Variants in MAP2 observed in about 807,000 individuals in gnomAD.
MAP2 encodes microtubule-associated protein 2.
MAP2 carries 14 observed loss-of-function variants against 137.6 expected under a neutral mutation model. That is an observed-to-expected ratio of 0.10 (90% CI 0.07 to 0.16). The LOEUF is 0.16. Among genes scored for constraint, MAP2 ranks in the 10% least tolerant of loss-of-function variants. MAP2 has a pLI of 1.00. For synonymous variants in MAP2, 786 were observed against 782.3 expected (o/e 1.00, Z -0.08); for missense variants, 2,088 against 2,191.5 (o/e 0.95, Z 0.94).
At chr2:209,674,764 T>A (rs184604966) in intron 5 of MAP2, among the ~76,000 whole-genome samples, 4 of 151,970 alleles carry the variant, frequency 2.6e-5, no homozygotes, top group African/African-American at 7.2e-5. Context: ...ATTTTTTGAC[T>A]GTCTTTCCTT....
intron 7 of MAP2, among the ~76,000 whole-genome samples, chr2:209,692,351 A>AC (rs397824831): frequency 5.3e-5 from 8 of 150,914 alleles, no homozygotes; most frequent in Non-Finnish European, 1.0e-4. Flanking sequence ...AAAAAAAAAA[A>AC]CAAAGAAAAA....
rs973515741 is a variant in MAP2, at chr2:209,693,692, A to G, written c.1522A>G (p.Thr508Ala). 6.2e-7 allele frequency: 1 copy of G among 1,613,592 alleles called. No individual in the cohort carries two copies. The highest frequency in any genetic ancestry group is 1.3e-5 in the African/African-American group (1 of 74,916). The change falls in exon 8 of 16, where the codon ACA becomes GCA. Residue 508 changes from threonine (T) to alanine (A), a missense_variant. Thr to Ala is a moderately conservative substitution (Grantham distance 58). Transcript: ENST00000682079. ...SFPVSLEQAV[T>A]DSAMTSKTLE... ...CCCTGTAAGTTTGGAGCAAGCAGTT[A>G]CAGATTCAGCCATGACCTCTAAAAC...
In MAP2 at chr2:209,695,202, C is replaced by T. The variant is rs763783190; in HGVS notation, c.3032C>T (p.Ser1011Phe). The change falls in exon 8 of 16, where the codon TCC becomes TTC. Residue 1011 changes from serine to phenylalanine, a missense_variant. Transcript: ENST00000682079. ...GATTTGTCAATACCAACAGATGCAT[C>T]CTCTGAGAAAGCAGAGAAGGGTCTT... is the stretch of plus-strand genomic sequence containing the variant. ...AKDLSIPTDA[S>F]SEKAEKGLSS... 2 of 1,613,952 alleles carry T rather than the reference C, an allele frequency of 1.2e-6. No homozygotes were observed. Among genetic ancestry groups the T allele is most frequent in the African/African-American group, 1.3e-5 (1 of 74,886 alleles).
chr2:209,604,849 C>T (rs559953462), intron 3 of MAP2, among the ~76,000 whole-genome samples: 12 of 152,166 alleles, frequency 7.9e-5, no homozygotes, highest in African/African-American at 2.6e-4. Context: ...GTTGGCAAAT[C>T]CCAAAACAGA....
At chr2:209,710,863 A>G (rs1018518175) in intron 13 of MAP2, 3 of 152,660 alleles carry the variant, frequency 2.0e-5, no homozygotes, top group Admixed American at 6.5e-5. Context: ...AAATAGAGCT[A>G]TTAGTAAAGC....
At chr2:209,575,349 G>A (rs1230270064) in intron 2 of MAP2, among the ~76,000 whole-genome samples, 5 of 151,698 alleles carry the variant, frequency 3.3e-5, no homozygotes, top group East Asian at 1.9e-4. Flanking sequence ...GTGAAACCCC[G>A]TCTCTACTAA....
chr2:209,563,081 C>A (rs1230112166), intron 2 of MAP2, among the ~76,000 whole-genome samples: 1 of 152,128 alleles, frequency 6.6e-6, no homozygotes. Context: ...GACCTTAACT[C>A]CTGCCAGGTC....
chr2:209,693,843 T>C lies in MAP2; in HGVS notation c.1673T>C (p.Leu558Pro). 1 of 1,613,584 alleles carries C rather than the reference T, an allele frequency of 6.2e-7. No individual in the cohort carries two copies. The highest frequency in any genetic ancestry group is 8.5e-7 in the Non-Finnish European group (1 of 1,179,868). The change falls in exon 8 of 16, where the codon CTT becomes CCT. Residue 558 changes from leucine to proline, a missense_variant. Around this residue, in one of 6 missense-constraint regions of MAP2, gnomAD observed 859 missense variants for 794.5 expected, o/e 1.08. Transcript: ENST00000682079. ...GTTGGAGCTGCAACATCAGCTGAGC[T>C]TGATATGCCATTTTATGAAGATAAA... ...EGVGAATSAE[L>P]DMPFYEDKSG... is the part of the protein sequence containing the mutation.
intron 1 of MAP2, among the ~76,000 whole-genome samples, chr2:209,502,792 T>C (rs1006831736): frequency 2.7e-4 from 41 of 152,154 alleles, no homozygotes; most frequent in Admixed American, 1.9e-3. Context: ...AGGTGTGAGA[T>C]AGCTATCTCA....
chr2:209,643,934 G>A (rs558833439), intron 4 of MAP2, among the ~76,000 whole-genome samples: 1 of 152,184 alleles, frequency 6.6e-6, no homozygotes, highest in Non-Finnish European at 1.5e-5. Context: ...CTTCACTTCA[G>A]TTAGTCTATA....
In MAP2 at chr2:209,730,262, A is replaced by C; in HGVS notation, c.5349A>C (p.Pro1783=). Residue 1783 remains proline (P), a synonymous_variant, in exon 16 of 16, where the codon CCA becomes CCC. Coordinates refer to ENST00000682079, the MANE Select transcript of MAP2 (RefSeq NM_001375505.1). ...GGGCTGAGATCATTACACAGTCCCC[A>C]GGCAGATCCAGCGTGGCATCACCCC... is the stretch of plus-strand genomic sequence containing the variant. The part of the protein sequence containing the change: ...DHGAEIITQS[P]GRSSVASPRR... 1 of 1,614,144 alleles carries C rather than the reference A, an allele frequency of 6.2e-7. No homozygotes were observed. Among genetic ancestry groups the C allele is most frequent in the Non-Finnish European group, 8.5e-7 (1 of 1,180,008 alleles).
At chr2:209,580,374 G>GT (rs992801046) in intron 3 of MAP2, among the ~76,000 whole-genome samples, 8 of 151,682 alleles carry the variant, frequency 5.3e-5, no homozygotes, top group Admixed American at 6.6e-5. Context: ...TCATTGTAAT[G>GT]TTTTTTTTAA....
chr2:209,668,460 G>A (rs2047304809), intron 5 of MAP2, among the ~76,000 whole-genome samples: 1 of 151,932 alleles, frequency 6.6e-6, no homozygotes, highest in Non-Finnish European at 1.5e-5. Flanking sequence ...ACATAATGAA[G>A]AAATAAAATT....
intron 11 of MAP2, among the ~76,000 whole-genome samples, chr2:209,703,277 A>G (rs1006110068): frequency 6.6e-6 from 1 of 152,148 alleles, no homozygotes; most frequent in South Asian, 2.1e-4. Flanking sequence ...GTTGAAGTCA[A>G]TGTAGATGAC....
intron 1 of MAP2, among the ~76,000 whole-genome samples, chr2:209,440,483 C>A (rs572622649): frequency 8.6e-5 from 13 of 151,354 alleles, no homozygotes; most frequent in Middle Eastern, 3.4e-3. Context: ...GTCATTTGAC[C>A]CTCTGGGCCT....
chr2:209,569,322 C>T (rs1380073359), intron 2 of MAP2, among the ~76,000 whole-genome samples: 1 of 150,750 alleles, frequency 6.6e-6, no homozygotes, highest in Non-Finnish European at 1.5e-5. Flanking sequence ...TTCAGTGTTT[C>T]AGTGTTCATG....
rs2062749035 is a variant in MAP2 at position 209,704,431 on chromosome 2, T to A, written c.4585-1149T>A. The A allele has an allele frequency of 5.7e-6, 9 of 1,591,034 alleles. No homozygotes were observed. In the South Asian group the frequency reaches 5.8e-5, roughly 10 times the overall value. The stretch of plus-strand genomic sequence containing the variant: ...GTTTGGTTTATTTTGTGCTTTTGTT[T>A]GTTTTCTTTCATGGCTAGAATTCTA... On this transcript the variant is annotated intron_variant, in intron 11 of 15. Transcript: ENST00000682079.
chr2:209,563,388 A>G (rs531605011), intron 2 of MAP2, among the ~76,000 whole-genome samples: 33 of 152,336 alleles, frequency 2.2e-4, no homozygotes, highest in African/African-American at 7.9e-4. Context: ...CTTTTGCACC[A>G]ACCTATACAA....
intron 3 of MAP2, among the ~76,000 whole-genome samples, chr2:209,582,078 A>AT (rs971343859): frequency 2.0e-5 from 3 of 152,000 alleles, no homozygotes; most frequent in African/African-American, 7.2e-5. Flanking sequence ...TTTCACTTAC[A>AT]TTTTTAACAC....
Sources: allele counts gnomAD v4.1 joint callset (sites outside exome capture counted in the v4.1 genomes callset), GRCh38; gene constraint gnomAD v4.1.1; regional missense constraint gnomAD v4.1.1; transcripts MANE v1.5; gene names NCBI Gene and HGNC (gene_info 2026-07-23, HGNC 2026-07-21).